The following SLC9A7 variants were observed in gnomAD, a reference collection of about 807,000 sequenced individuals.
SLC9A7 encodes solute carrier family 9 member A7.
SLC9A7 carries 19 observed loss-of-function variants against 52.6 expected under a neutral mutation model. That is an observed-to-expected ratio of 0.36 (90% CI 0.25 to 0.53). SLC9A7 has a LOEUF of 0.53. Among genes scored for constraint, SLC9A7 ranks in the 20% least tolerant of loss-of-function variants. The pLI is 0.91. For missense variants in SLC9A7, 455 were observed against 597.9 expected (o/e 0.76, Z 2.49); for synonymous variants, 226 against 252.1 (o/e 0.90, Z 0.98).
At chrX:46,617,049 C>T (rs1326398905) in intron 15 of SLC9A7, among the ~76,000 whole-genome samples, 4 of 111,404 alleles carry the variant, frequency 3.6e-5, no homozygotes, top group Non-Finnish European at 7.5e-5. Context: ...CTTTCAGATC[C>T]TGTCAAATGA....
chrX:46,759,087 G>T lies in SLC9A7; in HGVS notation c.-58C>A. The T allele has an allele frequency of 2.5e-6, 2 of 790,278 alleles. No homozygotes were observed. The highest frequency in any genetic ancestry group is 6.9e-5 in the South Asian group (1 of 14,437). 65.1% of individuals were successfully genotyped at this position (790,278 alleles called of 1,213,427 possible). On this transcript the variant is annotated 5_prime_UTR_variant, in exon 1 of 17. Transcript: ENST00000616978. The stretch of plus-strand genomic sequence containing the variant: ...GGGACCAGCAGCCCGCGCCGTCGGC[G>T]GGTTCTGGCAGCACCGCGGACCTGC...
At chrX:46,655,023 C>T (rs760795698) in intron 7 of SLC9A7, among the ~76,000 whole-genome samples, 1 of 90,977 alleles carries the variant, frequency 1.1e-5, no homozygotes, top group South Asian at 5.9e-4. Context: ...TTCGCTCTGT[C>T]ACCCAAGCTG....
intron 7 of SLC9A7, among the ~76,000 whole-genome samples, chrX:46,656,757 G>A (rs1943703445): frequency 9.0e-6 from 1 of 111,571 alleles, no homozygotes; most frequent in African/African-American, 3.3e-5. Flanking sequence ...TGGTGTACCT[G>A]AAAGTGACAG....
chrX:46,756,196 G>C (rs1175015141), intron 1 of SLC9A7, among the ~76,000 whole-genome samples: 2 of 111,155 alleles, frequency 1.8e-5, no homozygotes, highest in African/African-American at 6.5e-5. Context: ...AAATTAAGTT[G>C]GGTTCCCAGC....
rs149575765 is a variant in SLC9A7, at chrX:46,751,596, G to A, written c.325+7109C>T. Among the ~76,000 whole-genome samples, 90 of 111,106 alleles carry A rather than the reference G, an allele frequency of 8.1e-4. 3 individuals are homozygous for A. The East Asian group carries it at 0.024, about 29-fold the overall frequency. On this transcript the variant is annotated intron_variant, in intron 1 of 16. Transcript: ENST00000616978. ...GCCGAGGCAGGTGGATGGCTTGAGC[G>A]CAGGAGTTCGAAATCAGCCTGGGCA...
chrX:46,611,179 A>C (rs1170189059), intron 16 of SLC9A7, among the ~76,000 whole-genome samples: 4 of 112,250 alleles, frequency 3.6e-5, no homozygotes, highest in Non-Finnish European at 7.5e-5. Context: ...ACCATTCAGC[A>C]TTCAGCACAA....
intron 1 of SLC9A7, among the ~76,000 whole-genome samples, chrX:46,722,052 T>TA (rs754067483): frequency 8.1e-5 from 9 of 111,514 alleles, no homozygotes; most frequent in Non-Finnish European, 1.3e-4. Flanking sequence ...TCCTGGGTTC[T>TA]AAAAAAACAC....
intron 1 of SLC9A7, among the ~76,000 whole-genome samples, chrX:46,729,759 C>T (rs1173688180): frequency 1.8e-5 from 2 of 109,775 alleles, no homozygotes; most frequent in East Asian, 2.8e-4. Flanking sequence ...GGAGACAGAG[C>T]GAGACTCCAT....
rs772393007 is a variant in SLC9A7, at chrX:46,660,286, T to A, written c.1041+1730A>T. ...AAAACCCTAGAAGAAAACCTAGGCA[T>A]TACCATTCAGGACATAGGCATGGGT... On this transcript the variant is annotated intron_variant, in intron 7 of 16. Transcript: ENST00000616978. Among the ~76,000 whole-genome samples the A allele has an allele frequency of 5.2e-4, 58 of 111,459 alleles. No individual in the cohort carries two copies. The East Asian group carries it at 0.016, about 30-fold the overall frequency.
intron 15 of SLC9A7, among the ~76,000 whole-genome samples, chrX:46,614,625 G>A (rs1435518331): frequency 8.9e-6 from 1 of 111,923 alleles, no homozygotes; most frequent in Non-Finnish European, 1.9e-5. Context: ...CTAACATGAA[G>A]GTCAACGGAT....
At position 46,638,701 on chromosome X, in the gene SLC9A7, G is replaced by C. The variant is rs762487097; in HGVS notation, c.1617-3053C>G. 1.3e-4 allele frequency among the ~76,000 whole-genome samples: 15 copies of C among 111,679 alleles called. No individual in the cohort carries two copies. The East Asian group carries it at 3.6e-3, about 27-fold the overall frequency. On this transcript the variant is annotated intron_variant, in intron 12 of 16. Coordinates refer to ENST00000616978, the MANE Select transcript of SLC9A7 (RefSeq NM_001257291.2). The stretch of plus-strand genomic sequence containing the variant: ...TCTGAAAAGCCCTATAACTAATAAA[G>C]AAATTGGCTTCATAATTGAAAAACT...
At chrX:46,640,320 T>C (rs1386582289) in intron 12 of SLC9A7, among the ~76,000 whole-genome samples, 1 of 112,333 alleles carries the variant, frequency 8.9e-6, no homozygotes, top group Non-Finnish European at 1.9e-5. Context: ...ATAGTCTTTT[T>C]AACATATTAT....
intron 1 of SLC9A7, among the ~76,000 whole-genome samples, chrX:46,712,542 G>A (rs934988577): frequency 8.1e-5 from 9 of 111,634 alleles, no homozygotes; most frequent in Non-Finnish European, 1.5e-4. Context: ...AACATGAGAG[G>A]TCACATTTCA....
Position 46,682,522 on chromosome X carries a change from C to G in SLC9A7, c.339G>C (p.Gly113=), listed in dbSNP as rs1413262856. The part of the protein sequence containing the change: ...GLAMIYGLIV[G]VILRYGTPAT... ...CAGGGGTACCATACCTCAGGATCAC[C>G]CCAACGATGAGCCCTGAAAGAGTGG... The change falls in exon 2 of 17, where the codon GGG becomes GGC. Residue 113 remains glycine, a synonymous_variant. Transcript: ENST00000616978. 8.3e-7 allele frequency: 1 copy of G among 1,207,418 alleles called. No homozygotes were observed. Among genetic ancestry groups the G allele is most frequent in the Non-Finnish European group, 1.1e-6 (1 of 893,955 alleles).
intron 1 of SLC9A7, among the ~76,000 whole-genome samples, chrX:46,711,899 TACACACACAC>T (rs57570264): frequency 2.2e-5 from 2 of 91,185 alleles, no homozygotes; most frequent in Non-Finnish European, 4.2e-5. Flanking sequence ...GCCTCTAAAT[TACACACACAC>T]ACACACACAC....
intron 1 of SLC9A7, among the ~76,000 whole-genome samples, chrX:46,707,106 T>C (rs1024050127): frequency 2.7e-5 from 3 of 111,418 alleles, no homozygotes; most frequent in African/African-American, 9.8e-5. Flanking sequence ...CCTCAGTACT[T>C]TACCTGAAAA....
intron 1 of SLC9A7, among the ~76,000 whole-genome samples, chrX:46,731,625 A>T (rs1243756994): frequency 9.1e-6 from 1 of 109,532 alleles, no homozygotes; most frequent in Non-Finnish European, 1.9e-5. Context: ...ATAAAAATTT[A>T]AAAATAAAAA....
intron 12 of SLC9A7, among the ~76,000 whole-genome samples, chrX:46,639,280 CT>C (rs1282966521): frequency 4.8e-5 from 5 of 105,136 alleles, no homozygotes; most frequent in African/African-American, 1.7e-4. Context: ...GAATGCTTTC[CT>C]CTTTTTTTTT....
At chrX:46,675,014 T>C (rs1415377932) in intron 3 of SLC9A7, among the ~76,000 whole-genome samples, 3 of 109,917 alleles carry the variant, frequency 2.7e-5, no homozygotes, top group East Asian at 2.8e-4. Context: ...TTATTGTATA[T>C]GTGTGTGTGA....
Sources: gnomAD v4.1 joint callset for allele counts (sites outside exome capture counted in the v4.1 genomes callset) on GRCh38, gnomAD v4.1.1 for gene constraint, MANE v1.5 for transcripts, NCBI Gene and HGNC (gene_info 2026-07-23, HGNC 2026-07-21) for gene names.